TMPRSS11D: variants seen among roughly 807,000 people sequenced by gnomAD.
TMPRSS11D encodes the protein transmembrane serine protease 11D.
TMPRSS11D carries 32 observed loss-of-function variants against 44.4 expected under a neutral mutation model. The ratio of observed to expected loss-of-function variants is 0.72; its 90% CI spans 0.54 to 0.97. The LOEUF (loss-of-function observed/expected upper bound fraction) is 0.97. TMPRSS11D is among the 50% of genes least tolerant of loss of function. The probability of loss-of-function intolerance (pLI) is 0.00; values close to 1 mark genes in which losing one functional copy is unlikely to be tolerated. For missense variants in TMPRSS11D, 446 were observed against 502.6 expected (o/e 0.89, Z 1.08); for synonymous variants, 179 against 177.9 (o/e 1.01, Z -0.05).
At chr4:67,832,965 A>T (rs1247472569) in intron 7 of TMPRSS11D, among the ~76,000 whole-genome samples, 2 of 152,150 alleles carry the variant, frequency 1.3e-5, no homozygotes, top group African/African-American at 2.4e-5. Flanking sequence ...AAACATTCTG[A>T]CATATAAATC....
At position 67,861,710 on chromosome 4, in the gene TMPRSS11D, G is replaced by A. The variant is rs534476305; in HGVS notation, c.9-2032C>T. Among the ~76,000 whole-genome samples, 7 of 152,202 alleles carry A rather than the reference G, an allele frequency of 4.6e-5. No individual in the cohort carries two copies. The East Asian group carries it at 7.7e-4, about 17-fold the overall frequency. On this transcript the variant is annotated intron_variant, in intron 1 of 9. Coordinates refer to ENST00000283916, the MANE Select transcript of TMPRSS11D (RefSeq NM_004262.3). Reference sequence around the variant, plus strand: ...ATTTTGCTTTCAGTTCACGAAAAACGTCTTGAACTCAATAACTGAAAAGCA... The same window carrying A: ...ATTTTGCTTTCAGTTCACGAAAAACATCTTGAACTCAATAACTGAAAAGCA...
intron 9 of TMPRSS11D, 122 bp downstream of exon 9, chr4:67,825,610 A>G: frequency 9.2e-7 from 1 of 1,085,124 alleles, no homozygotes; most frequent in South Asian, 3.1e-5. Context: ...TAGATTATAA[A>G]TTTTAGAGGA....
intron 3 of TMPRSS11D, among the ~76,000 whole-genome samples, chr4:67,849,573 G>A (rs1718444618): frequency 6.6e-6 from 1 of 152,080 alleles, no homozygotes; most frequent in Admixed American, 6.6e-5. Context: ...GTGAATGAGT[G>A]CCATGAGTAT....
rs1717642355 is a variant in TMPRSS11D at position 67,821,540 on chromosome 4, T to A, written c.*797A>T. ...TATTTTGTTGTTAAAAAGTACTATG[T>A]AGTTGTAAAGCACCTGACAAGTTTG... On this transcript the variant is annotated 3_prime_UTR_variant, in exon 10 of 10. Transcript: ENST00000283916. The A allele has an allele frequency of 6.6e-6, 1 of 152,182 alleles. No individual in the cohort carries two copies. The highest frequency in any genetic ancestry group is 2.1e-4 in the South Asian group (1 of 4,834). The allele number at this position is 152,182 out of a possible 1,614,324, so 9.4% of individuals were successfully genotyped here.
chr4:67,881,370 G>C (rs1719317493), intron 1 of TMPRSS11D, among the ~76,000 whole-genome samples: 1 of 152,164 alleles, frequency 6.6e-6, no homozygotes, highest in South Asian at 2.1e-4. Flanking sequence ...CCAGATGACT[G>C]ACTGCAGCTG....
chr4:67,833,154 G>A, intron 7 of TMPRSS11D, 50 bp downstream of exon 7: 1 of 1,347,734 alleles, frequency 7.4e-7, no homozygotes, highest in Non-Finnish European at 9.6e-7. Flanking sequence ...CAGTCTTCAT[G>A]ACCTGTCTAT....
chr4:67,838,378 C>T, intron 4 of TMPRSS11D, 49 bp from the exon 5 acceptor site: 1 of 1,454,890 alleles, frequency 6.9e-7, no homozygotes, highest in Non-Finnish European at 9.1e-7. Context: ...GACAATTTTT[C>T]ACCATCCTGT....
At chr4:67,881,257 G>A (rs1169392357) in intron 1 of TMPRSS11D, among the ~76,000 whole-genome samples, 2 of 152,206 alleles carry the variant, frequency 1.3e-5, no homozygotes, top group Non-Finnish European at 2.9e-5. Flanking sequence ...AGTTGCAGTA[G>A]TGTGTTAAGT....
At chr4:67,836,870 C>CT (rs1718103399) in intron 5 of TMPRSS11D, among the ~76,000 whole-genome samples, 1 of 152,112 alleles carries the variant, frequency 6.6e-6, no homozygotes, top group African/African-American at 2.4e-5. Context: ...TCATGCTTTC[C>CT]TTCTCTGGGA....
At chr4:67,875,341 T>C (rs78415211) in intron 1 of TMPRSS11D, among the ~76,000 whole-genome samples, 3,422 of 152,238 alleles carry the variant, frequency 0.022, 133 homozygotes, top group African/African-American at 0.078. Flanking sequence ...GGATTTCAGT[T>C]TTCTTCCTTG....
At chr4:67,875,243 A>C (rs1433362743) in intron 1 of TMPRSS11D, among the ~76,000 whole-genome samples, 1 of 152,180 alleles carries the variant, frequency 6.6e-6, no homozygotes, top group East Asian at 1.9e-4. Context: ...TCTCTTATCC[A>C]GGGAGGCAGT....
intron 1 of TMPRSS11D, among the ~76,000 whole-genome samples, chr4:67,865,134 A>G (rs1718890368): frequency 6.6e-6 from 1 of 151,936 alleles, no homozygotes; most frequent in African/African-American, 2.4e-5. Flanking sequence ...AAGTCTGAAG[A>G]AACTTTAAAA....
chr4:67,840,754 G>A (rs2109671483), intron 4 of TMPRSS11D, among the ~76,000 whole-genome samples: 1 of 152,088 alleles, frequency 6.6e-6, no homozygotes, highest in East Asian at 1.9e-4. Flanking sequence ...TGCATTGTTT[G>A]CTTGTATCAA....
intron 1 of TMPRSS11D, among the ~76,000 whole-genome samples, chr4:67,874,249 C>T (rs13146055): frequency 0.27 from 41,635 of 151,912 alleles, 6,081 homozygotes; most frequent in Admixed American, 0.37. Context: ...AATCGCCTAA[C>T]GATGCATTTC....
At chr4:67,829,749 C>T (rs1388365426) in intron 7 of TMPRSS11D, among the ~76,000 whole-genome samples, 2 of 151,864 alleles carry the variant, frequency 1.3e-5, no homozygotes, top group African/African-American at 2.4e-5. Context: ...ATCAAAACAG[C>T]TCTTAGATAT....
At position 67,876,858 on chromosome 4, in the gene TMPRSS11D, C is replaced by A. The variant is rs570352281; in HGVS notation, c.8+7068G>T. ...TTTTAATTGCCAAATAATTGTCCTT[C>A]CCTTGAAGTACTCATGTCTTACTGA... On this transcript the variant is annotated intron_variant, in intron 1 of 9. Transcript: ENST00000283916. Among the ~76,000 whole-genome samples, 25 of 152,298 alleles carry A rather than the reference C, an allele frequency of 1.6e-4. 2 individuals carry two copies. In the South Asian group the frequency reaches 4.8e-3, roughly 29 times the overall value.
At chr4:67,833,418 T>C in intron 6 of TMPRSS11D, 37 bp from the exon 7 acceptor site, 1 of 1,390,408 alleles carries the variant, frequency 7.2e-7, no homozygotes, top group Non-Finnish European at 9.4e-7. Context: ...GGGAAGATCA[T>C]GATTCCTTTA....
In TMPRSS11D at chr4:67,821,860, T is replaced by C. The variant is rs1370363003; in HGVS notation, c.*477A>G. ...ATATTGAGTAACCAAAAATTTTAAA[T>C]ACATATTATTTCTCTTGCCTCATAC... On this transcript the variant is annotated 3_prime_UTR_variant, in exon 10 of 10. Coordinates refer to ENST00000283916, the MANE Select transcript of TMPRSS11D (RefSeq NM_004262.3). The C allele has an allele frequency of 1.3e-5, 2 of 153,082 alleles. No individual in the cohort carries two copies. The highest frequency in any genetic ancestry group is 4.8e-5 in the African/African-American group (2 of 41,458). 9.5% of individuals were successfully genotyped at this position (153,082 alleles called of 1,614,324 possible).
chr4:67,840,640 T>C (rs1467916620), intron 4 of TMPRSS11D, among the ~76,000 whole-genome samples: 1 of 152,186 alleles, frequency 6.6e-6, no homozygotes, highest in African/African-American at 2.4e-5. Flanking sequence ...AATAATTTAA[T>C]TGTACATTTA....
Sources: allele counts gnomAD v4.1 joint callset (sites outside exome capture counted in the v4.1 genomes callset), GRCh38; gene constraint gnomAD v4.1.1; transcripts MANE v1.5; gene names NCBI Gene and HGNC (gene_info 2026-07-23, HGNC 2026-07-21).